ZFP90: variants seen among roughly 807,000 people sequenced by gnomAD.
ZFP90 encodes the protein zinc finger protein 90 homolog.
Under a neutral mutation model 60.8 loss-of-function variants are expected in ZFP90, and 38 were observed. That is an observed-to-expected ratio of 0.62 (90% CI 0.48 to 0.82). The LOEUF is 0.82. Ranked by LOEUF, ZFP90 falls within the 40% of genes least tolerant of loss-of-function variation. ZFP90 has a pLI of 0.00. For synonymous variants in ZFP90, 287 were observed against 264.8 expected (o/e 1.08, Z -0.82); for missense variants, 711 against 759.1 (o/e 0.94, Z 0.74).
At chr16:68,571,202 A>G (rs2091566220), downstream of ZFP90, among the ~76,000 whole-genome samples, 1 of 152,168 alleles carries the variant, frequency 6.6e-6, no homozygotes, top group Non-Finnish European at 1.5e-5. Flanking sequence ...TTTTGAGGGA[A>G]GGGAAATAGG....
chr16:68,562,703 T>C (rs1450739545), intron 4 of ZFP90: 5 of 402,336 alleles, frequency 1.2e-5, no homozygotes, highest in African/African-American at 2.0e-5. Context: ...TATAAAAGGA[T>C]AGGAGGCATG....
In ZFP90 at chr16:68,563,968, T is replaced by G; in HGVS notation, c.1181T>G (p.Phe394Cys). ...HERTHTGEKP[F>C]ECSICGRAFG... The stretch of plus-strand genomic sequence containing the variant: ...AGGACTCATACTGGAGAGAAACCTT[T>G]TGAATGTAGCATATGTGGGAGGGCT... The change falls in exon 5 of 5, where the codon TTT becomes TGT. Residue 394 changes from phenylalanine to cysteine, a missense_variant. Physicochemically the swap from Phe to Cys is radical, Grantham distance 205 (BLOSUM62 -2). Transcript: ENST00000563169. 1 of 1,613,384 alleles carries G rather than the reference T, an allele frequency of 6.2e-7. No homozygotes were observed. Among genetic ancestry groups the G allele is most frequent in the Non-Finnish European group, 8.5e-7 (1 of 1,179,806 alleles).
chr16:68,549,641 T>C (rs188980829), intron 2 of ZFP90, among the ~76,000 whole-genome samples: 16,996 of 129,640 alleles, frequency 0.13, 1,138 homozygotes, highest in Middle Eastern at 0.23. Flanking sequence ...ATCGTGCCAC[T>C]GCACTCCAGC....
At chr16:68,552,994 G>T (rs2091285686) in intron 2 of ZFP90, among the ~76,000 whole-genome samples, 1 of 152,168 alleles carries the variant, frequency 6.6e-6, no homozygotes, top group Non-Finnish European at 1.5e-5. Context: ...CAAGGCTGCA[G>T]TGATCTATGA....
In ZFP90 at chr16:68,565,255, G is replaced by A. The variant is rs893377895; in HGVS notation, c.*557G>A. ...CCACAGTATGATACAGCCTATAAGG[G>A]TAAAGCTGGGTTAAAAATGCAGGTT... On this transcript the variant is annotated 3_prime_UTR_variant, in exon 5 of 5. Transcript: ENST00000563169. 18 of 985,140 alleles carry A rather than the reference G, an allele frequency of 1.8e-5. No individual in the cohort carries two copies. The highest frequency in any genetic ancestry group is 2.0e-5 in the Non-Finnish European group (17 of 829,700). 61.0% of individuals were successfully genotyped at this position (985,140 alleles called of 1,614,324 possible). A position where few individuals can be genotyped will look rare whatever the true frequency, so the allele number is the denominator to read the frequency against.
chr16:68,551,637 C>A (rs908104008), intron 2 of ZFP90, among the ~76,000 whole-genome samples: 1 of 152,206 alleles, frequency 6.6e-6, no homozygotes, highest in Admixed American at 6.5e-5. Flanking sequence ...TCTCAAACTC[C>A]TGATCTCAGG....
chr16:68,563,230 T>C lies in ZFP90; in HGVS notation c.443T>C (p.Ile148Thr). Reference protein sequence around the residue: ...LGSEASTQKKIITPQENFEQN... With the variant: ...LGSEASTQKKTITPQENFEQN... ...TCAGAGGCATCCACCCAGAAGAAAA[T>C]AATTACACCACAAGAAAATTTTGAG... The change falls in exon 5 of 5, where the codon ATA becomes ACA. Residue 148 changes from isoleucine to threonine, a missense_variant. Physicochemically the swap from Ile to Thr is moderately conservative, Grantham distance 89. Transcript: ENST00000563169. 1 of 1,613,424 alleles carries C rather than the reference T, an allele frequency of 6.2e-7. No individual in the cohort carries two copies. The highest frequency in any genetic ancestry group is 8.5e-7 in the Non-Finnish European group (1 of 1,179,806).
At chr16:68,556,949 A>G (rs1342092921) in intron 2 of ZFP90, among the ~76,000 whole-genome samples, 1 of 152,206 alleles carries the variant, frequency 6.6e-6, no homozygotes, top group African/African-American at 2.4e-5. Flanking sequence ...AGGAACATCA[A>G]GATCAGCATG....
At chr16:68,575,081 C>A (rs2091587165) in intron 2 of ZFP90, among the ~76,000 whole-genome samples, 1 of 152,204 alleles carries the variant, frequency 6.6e-6, no homozygotes, top group Non-Finnish European at 1.5e-5. Flanking sequence ...GTGGTTTAGA[C>A]AACTTAGGAC....
Position 68,566,811 on chromosome 16 carries a change from G to A in ZFP90, c.*2113G>A, listed in dbSNP as rs984012227. 36 of 985,474 alleles carry A rather than the reference G, an allele frequency of 3.7e-5. No homozygotes were observed. Among genetic ancestry groups the A allele is most frequent in the Non-Finnish European group, 2.8e-5 (23 of 829,966 alleles). The allele number at this position is 985,474 out of a possible 1,614,324, so 61.0% of individuals were successfully genotyped here. ...GGATCCCCATAGTGGACTACTTTCA[G>A]GAATGGCATGAATTGTAACCAACTG... On this transcript the variant is annotated 3_prime_UTR_variant, in exon 5 of 5. Coordinates refer to ENST00000563169, the MANE Select transcript of ZFP90 (RefSeq NM_001305203.2).
chr16:68,547,456 C>G lies in ZFP90; in HGVS notation c.33+7631C>G, dbSNP rs143696668. ...TTTTTGTTGGATTTTTAGGAGTTCT[C>G]TATATATTCTGGGTATTACTTGCTT... On this transcript the variant is annotated intron_variant, in intron 2 of 4. Transcript: ENST00000563169. Among the ~76,000 whole-genome samples, 10 of 152,134 alleles carry G rather than the reference C, an allele frequency of 6.6e-5. No homozygotes were observed. In the East Asian group the frequency reaches 1.4e-3, roughly 21 times the overall value.
Position 68,565,794 on chromosome 16 carries a change from G to A in ZFP90, c.*1096G>A, listed in dbSNP as rs1012959294. Reference sequence around the variant, plus strand: ...GTACTCAGAGAAGCAACATGCACTGGCTCATTTTATGTGCAAAGAAAAGAT... The same window carrying A: ...GTACTCAGAGAAGCAACATGCACTGACTCATTTTATGTGCAAAGAAAAGAT... On this transcript the variant is annotated 3_prime_UTR_variant, in exon 5 of 5. Transcript: ENST00000563169. The A allele has an allele frequency of 6.5e-5, 64 of 985,396 alleles. No homozygotes were observed. Among genetic ancestry groups the A allele is most frequent in the Non-Finnish European group, 7.6e-5 (63 of 829,924 alleles). The allele number at this position is 985,396 out of a possible 1,614,324, so 61.0% of individuals were successfully genotyped here.
At position 68,565,290 on chromosome 16, in the gene ZFP90, T is replaced by G; in HGVS notation, c.*592T>G. 41 of 985,570 alleles carry G rather than the reference T, an allele frequency of 4.2e-5. No homozygotes were observed. The highest frequency in any genetic ancestry group is 4.8e-5 in the Non-Finnish European group (40 of 829,948). 61.1% of individuals were successfully genotyped at this position (985,570 alleles called of 1,614,324 possible). On this transcript the variant is annotated 3_prime_UTR_variant, in exon 5 of 5. Coordinates refer to ENST00000563169, the MANE Select transcript of ZFP90 (RefSeq NM_001305203.2). ...GTTAAAAATGCAGGTTTCCTGGATT[T>G]GGGGCCCCATGGCCTTGCCAGTGAA...
Position 68,564,221 on chromosome 16 carries a change from T to C in ZFP90, c.1434T>C (p.Tyr478=). 2 of 1,613,940 alleles carry C rather than the reference T, an allele frequency of 1.2e-6. No individual in the cohort carries two copies. Among genetic ancestry groups the C allele is most frequent in the Non-Finnish European group, 1.7e-6 (2 of 1,179,962 alleles). Residue 478 remains tyrosine (Y), a synonymous_variant, in exon 5 of 5, where the codon TAT becomes TAC. Coordinates refer to ENST00000563169, the MANE Select transcript of ZFP90 (RefSeq NM_001305203.2). ...GGATCCATACTGCAGAGAACCCCTA[T>C]GATTGTGAGCAGGCTTTTAGTCAGC... The part of the protein sequence containing the change: ...HQRIHTAENP[Y]DCEQAFSQQA...
At chr16:68,539,971 C>T in intron 2 of ZFP90, 146 bp downstream of exon 2, 2 of 1,242,082 alleles carry the variant, frequency 1.6e-6, no homozygotes, top group Non-Finnish European at 1.1e-6. Context: ...TGGAAAACCC[C>T]AGGCTTTGGG....
intron 2 of ZFP90, among the ~76,000 whole-genome samples, chr16:68,545,548 C>T (rs1337994120): frequency 2.0e-5 from 3 of 152,184 alleles, no homozygotes; most frequent in Admixed American, 2.0e-4. Context: ...GGCGCAGTGG[C>T]TCACGCCTGT....
upstream of ZFP90, among the ~76,000 whole-genome samples, chr16:68,534,846 G>A (rs567787025): frequency 6.6e-6 from 1 of 151,994 alleles, no homozygotes; most frequent in African/African-American, 2.4e-5. Flanking sequence ...GGCAGAGCTT[G>A]CAGTGAGCTG....
In ZFP90 at chr16:68,564,695, C is replaced by G. The variant is rs1373827646; in HGVS notation, c.1908C>G (p.Leu636=). The change falls in exon 5 of 5, where the codon CTC becomes CTG. Residue 636 remains leucine, a synonymous_variant. Coordinates refer to ENST00000563169, the MANE Select transcript of ZFP90 (RefSeq NM_001305203.2). ...KHQRIHTRNK[L] ...AGAGAATTCATACTCGAAATAAACT[C>G]TAGGAACCGTGAAATTAAGGAATTT... 1 of 1,588,930 alleles carries G rather than the reference C, an allele frequency of 6.3e-7. No homozygotes were observed. Among genetic ancestry groups the G allele is most frequent in the African/African-American group, 1.4e-5 (1 of 73,400 alleles).
In ZFP90 at chr16:68,567,074, T is replaced by C; in HGVS notation, c.*2376T>C. On this transcript the variant is annotated 3_prime_UTR_variant, in exon 5 of 5. Coordinates refer to ENST00000563169, the MANE Select transcript of ZFP90 (RefSeq NM_001305203.2). Reference sequence around the variant, plus strand: ...GGATACCCAGCCTTTTAGGGCTACGTGAAATGCATCCTTGTAACATCATTG... The same window carrying C: ...GGATACCCAGCCTTTTAGGGCTACGCGAAATGCATCCTTGTAACATCATTG... The C allele has an allele frequency of 2.0e-6, 2 of 985,578 alleles. No homozygotes were observed. The highest frequency in any genetic ancestry group is 4.7e-5 in the South Asian group (1 of 21,290). 61.1% of individuals were successfully genotyped at this position (985,578 alleles called of 1,614,324 possible).
Sources: allele counts gnomAD v4.1 joint callset (sites outside exome capture counted in the v4.1 genomes callset), GRCh38; gene constraint gnomAD v4.1.1; transcripts MANE v1.5; gene names NCBI Gene and HGNC (gene_info 2026-07-23, HGNC 2026-07-21).